Variants in PCYT2 observed in about 807,000 individuals in gnomAD.
The protein encoded by PCYT2 is ethanolamine-phosphate cytidylyltransferase.
Under a neutral mutation model 50.0 loss-of-function variants are expected in PCYT2, and 33 were observed. The ratio of observed to expected loss-of-function variants is 0.66; its 90% confidence interval spans 0.50 to 0.88. PCYT2 has a LOEUF of 0.88. PCYT2 is among the 40% of genes least tolerant of loss of function. The pLI is 0.00. For synonymous variants in PCYT2, 240 were observed against 203.7 expected (o/e 1.18, Z -1.52); for missense variants, 430 against 519.7 (o/e 0.83, Z 1.68).
At position 81,904,573 on chromosome 17, in the gene PCYT2, G is replaced by A. The variant is rs938937771; in HGVS notation, c.*260C>T. 2.9e-5 allele frequency: 14 copies of A among 480,964 alleles called. No homozygotes were observed. Among genetic ancestry groups the A allele is most frequent in the African/African-American group, 5.8e-5 (3 of 51,626 alleles). The allele number at this position is 480,964 out of a possible 1,614,324, so 29.8% of individuals were successfully genotyped here. Reference sequence around the variant, plus strand: ...GTGGGGGCGCACGCAGGAGCGGTGCGTTTCAGGCTGCAGGTGCCGTCTGCC... The same window carrying A: ...GTGGGGGCGCACGCAGGAGCGGTGCATTTCAGGCTGCAGGTGCCGTCTGCC... On this transcript the variant is annotated 3_prime_UTR_variant, in exon 13 of 13. Coordinates refer to ENST00000538936, the MANE Select transcript of PCYT2 (RefSeq NM_002861.5).
Position 81,906,455 on chromosome 17 carries a change from G to T in PCYT2, c.759+9C>A. ...TGCCCAGGGGCCCAGGGAGCAAGAA[G>T]GCAGTGACCTGGTCAAAGTGTAAGC... On this transcript the variant is annotated intron_variant, in intron 8 of 12. Transcript: ENST00000538936. The T allele has an allele frequency of 6.2e-7, 1 of 1,612,350 alleles. No individual in the cohort carries two copies. Among genetic ancestry groups the T allele is most frequent in the East Asian group, 2.2e-5 (1 of 44,872 alleles).
chr17:81,906,925 G>C, intron 6 of PCYT2, 27 bp from the exon 7 acceptor site: 1 of 1,607,068 alleles, frequency 6.2e-7, no homozygotes, highest in Non-Finnish European at 8.5e-7. Context: ...GGAGCAGGTT[G>C]GCGGGGGAGG....
At chr17:81,906,312 T>C (rs547273427) in intron 8 of PCYT2, 135 bp from the exon 9 acceptor site, 8 of 1,100,026 alleles carry the variant, frequency 7.3e-6, no homozygotes, top group East Asian at 5.1e-5. Flanking sequence ...AGGACAGCCC[T>C]GGACCCCAGA....
rs201141204 is a variant in PCYT2, at chr17:81,906,721, G to T, written c.676+39C>A. The T allele has an allele frequency of 2.3e-3, 3,692 of 1,607,818 alleles. 15 individuals carry two copies. The highest frequency in any genetic ancestry group is 2.3e-3 in the Admixed American group (140 of 59,784). On this transcript the variant is annotated intron_variant, in intron 7 of 12. Transcript: ENST00000538936. Reference sequence around the variant, plus strand: ...GTGAGGCCCCCGGGTCCCACCCCATGTGGCACATGTAGGGGAGCAGCAGAG... The same window carrying T: ...GTGAGGCCCCCGGGTCCCACCCCATTTGGCACATGTAGGGGAGCAGCAGAG...
chr17:81,907,499 C>T (rs982043345), intron 6 of PCYT2, 55 bp downstream of exon 6: 12 of 1,553,516 alleles, frequency 7.7e-6, no homozygotes, highest in Non-Finnish European at 7.9e-6. Context: ...GGACAGGTGG[C>T]CGGGGGAGCC....
In PCYT2 at chr17:81,909,779, A is replaced by G. The variant is rs574205115; in HGVS notation, c.90-177T>C. 3.3e-5 allele frequency among the ~76,000 whole-genome samples: 5 copies of G among 152,300 alleles called. No homozygotes were observed. In the South Asian group the frequency reaches 1.0e-3, roughly 32 times the overall value. On this transcript the variant is annotated intron_variant, in intron 1 of 12. Transcript: ENST00000538936. ...ATGTAGGTGCTCAGCTCTCCACCCC[A>G]CTGGCTCCTGGGCCTGACGGTGGGA...
In PCYT2 at chr17:81,909,549, A is replaced by G. The variant is rs150714189; in HGVS notation, c.143T>C (p.Met48Thr). The part of the protein sequence containing the change: ...HSNQLRQARA[M>T]GDYLIVGVHT... Reference sequence around the variant, plus strand: ...CACGCCTACGATGAGGTAGTCACCCATGGCCCGTGCCTGGCGCAGCTGGTT... The same window carrying G: ...CACGCCTACGATGAGGTAGTCACCCGTGGCCCGTGCCTGGCGCAGCTGGTT... The change falls in exon 2 of 13, where the codon ATG becomes ACG. Residue 48 changes from methionine to threonine, a missense_variant. Physicochemically the swap from Met to Thr is moderately conservative, Grantham distance 81. Transcript: ENST00000538936. 9,898 of 1,613,716 alleles carry G rather than the reference A, an allele frequency of 6.1e-3. 41 individuals carry two copies. Among genetic ancestry groups the G allele is most frequent in the Non-Finnish European group, 7.4e-3 (8,786 of 1,179,828 alleles).
In PCYT2 at chr17:81,904,864, T is replaced by C; in HGVS notation, c.1139A>G (p.Gln380Arg). ...FLEAARQQAA[Q>R]PLGERDGDF is the part of the protein sequence containing the mutation. ...GTCACCATCGCGCTCCCCCAGGGGC[T>C]GTGCCGCCTGCTGCCTGGCAGCCTC... is the stretch of plus-strand genomic sequence containing the variant. The change falls in exon 13 of 13, where the codon CAG (glutamine) becomes CGG (arginine). Residue 380 changes from glutamine (Q) to arginine (R), a missense_variant. Gln to Arg is a conservative substitution (Grantham distance 43, BLOSUM62 1). This residue lies in a region of PCYT2 where 248 missense variants were observed against 300.2 expected (regional missense o/e 0.83). Transcript: ENST00000538936. 6.2e-7 allele frequency: 1 copy of C among 1,612,590 alleles called. No homozygotes were observed. The highest frequency in any genetic ancestry group is 8.5e-7 in the Non-Finnish European group (1 of 1,179,708).
chr17:81,907,060 G>A (rs1361140310), intron 6 of PCYT2, 162 bp from the exon 7 acceptor site: 1 of 1,046,328 alleles, frequency 9.6e-7, no homozygotes, highest in East Asian at 2.6e-5. Context: ...TGGGACTGTG[G>A]CGCCACCCCA....
In PCYT2 at chr17:81,903,524, G is replaced by A. The variant is rs1042290051; in HGVS notation, c.*1309C>T. On this transcript the variant is annotated 3_prime_UTR_variant, in exon 13 of 13. Coordinates refer to ENST00000538936, the MANE Select transcript of PCYT2 (RefSeq NM_002861.5). ...CTGTCCAGCACCAATCTGTCTATGG[G>A]GAACTGGCTGGTCCCTCTGCTCAGG... 6.6e-6 allele frequency: 1 copy of A among 152,358 alleles called. No individual in the cohort carries two copies. Among genetic ancestry groups the A allele is most frequent in the African/African-American group, 2.4e-5 (1 of 41,450 alleles). 9.4% of individuals were successfully genotyped at this position (152,358 alleles called of 1,614,324 possible). A position where few individuals can be genotyped will look rare whatever the true frequency, so the allele number is the denominator to read the frequency against.
chr17:81,906,163 G>C lies in PCYT2; in HGVS notation c.774C>G (p.Tyr258Ter), dbSNP rs1324288309. Residue 258 changes from tyrosine (Y) to a stop codon, truncating the protein, a stop_gained, in exon 9 of 13, where the codon TAC becomes TAG. Coordinates refer to ENST00000538936, the MANE Select transcript of PCYT2 (RefSeq NM_002861.5). LOFTEE classifies it high-confidence loss of function. Reference sequence around the variant, plus strand: ...TCATGATGGGGTAGTTCTTCCCCTTGTAGTGATTGACCTCCTGCGGCCAGA... The same window carrying C: ...TCATGATGGGGTAGTTCTTCCCCTTCTAGTGATTGACCTCCTGCGGCCAGA... Reference protein sequence around the residue: ...GLHFDQEVNHYKGKNYPIMNL... With the variant: ...GLHFDQEVNH The C allele has an allele frequency of 1.2e-6, 2 of 1,612,278 alleles. No homozygotes were observed. The highest frequency in any genetic ancestry group is 8.5e-7 in the Non-Finnish European group (1 of 1,179,100).
At position 81,908,733 on chromosome 17, in the gene PCYT2, C is replaced by A. The variant is rs555756420; in HGVS notation, c.341-99G>T. On this transcript the variant is annotated intron_variant, in intron 3 of 12. Coordinates refer to ENST00000538936, the MANE Select transcript of PCYT2 (RefSeq NM_002861.5). ...GGCCCCTGGCCTGCCCTAGTGTCCG[C>A]GTGCCCATTTCTAGGTGGGGGCCCG... The A allele has an allele frequency of 3.8e-5, 50 of 1,321,334 alleles. No individual in the cohort carries two copies. The African/African-American group carries it at 6.9e-4, about 18-fold the overall frequency. 81.9% of individuals were successfully genotyped at this position (1,321,334 alleles called of 1,614,324 possible).
intron 1 of PCYT2, among the ~76,000 whole-genome samples, chr17:81,909,979 G>A (rs575868753): frequency 4.6e-4 from 70 of 152,338 alleles, no homozygotes; most frequent in African/African-American, 1.5e-3. Flanking sequence ...ATAAGCCGAT[G>A]TTAACTCTTG....
chr17:81,902,272 G>C lies in PCYT2; in HGVS notation c.*2561C>G. On this transcript the variant is annotated 3_prime_UTR_variant, in exon 13 of 13. Transcript: ENST00000538936. The stretch of plus-strand genomic sequence containing the variant: ...CGCCGCCGCCCACCAGTCAGCCGGC[G>C]TCCCCATGGCCCGGTCCGCGACACT... The C allele has an allele frequency of 8.0e-7, 1 of 1,251,732 alleles. No homozygotes were observed. 77.5% of individuals were successfully genotyped at this position (1,251,732 alleles called of 1,614,324 possible).
Position 81,902,329 on chromosome 17 carries a change from C to T in PCYT2, c.*2504G>A. On this transcript the variant is annotated 3_prime_UTR_variant, in exon 13 of 13. Coordinates refer to ENST00000538936, the MANE Select transcript of PCYT2 (RefSeq NM_002861.5). ...CGCCGCCCTGGCGCTGTGCCTGCTG[C>T]TGGCGCCGCCTGGCCTCGCGTGGTA... 1 of 1,339,918 alleles carries T rather than the reference C, an allele frequency of 7.5e-7. No individual in the cohort carries two copies. Among genetic ancestry groups the T allele is most frequent in the South Asian group, 2.0e-5 (1 of 49,588 alleles). The allele number at this position is 1,339,918 out of a possible 1,614,324, so 83.0% of individuals were successfully genotyped here.
Position 81,907,413 on chromosome 17 carries a change from G to A in PCYT2, c.537+141C>T, listed in dbSNP as rs577486641. On this transcript the variant is annotated intron_variant, in intron 6 of 12. Coordinates refer to ENST00000538936, the MANE Select transcript of PCYT2 (RefSeq NM_002861.5). ...ATCCACCAGTGAGCCAAACCTGGCA[G>A]TCAGTGCCTGGTCAGTGCCAGGGAC... The A allele has an allele frequency of 1.5e-4, 179 of 1,185,446 alleles. 3 individuals carry two copies. Among genetic ancestry groups the A allele is most frequent in the East Asian group, 7.7e-5 (3 of 39,214 alleles). 73.4% of individuals were successfully genotyped at this position (1,185,446 alleles called of 1,614,324 possible).
Position 81,902,549 on chromosome 17 carries a change from T to C in PCYT2, c.*2284A>G. ...CTCGTGAGTCCGGCGTGCCGGGGAC[T>C]GATGGGGGGCGGCGGCAGGACGTGG... On this transcript the variant is annotated 3_prime_UTR_variant, in exon 13 of 13. Transcript: ENST00000538936. 1 of 1,487,584 alleles carries C rather than the reference T, an allele frequency of 6.7e-7. No individual in the cohort carries two copies. The highest frequency in any genetic ancestry group is 2.8e-5 in the East Asian group (1 of 36,016). 92.1% of individuals were successfully genotyped at this position (1,487,584 alleles called of 1,614,324 possible). A position where few individuals can be genotyped will look rare whatever the true frequency, so the allele number is the denominator to read the frequency against.
intron 8 of PCYT2, 26 bp downstream of exon 8, chr17:81,906,438 G>A (rs376428984): frequency 1.2e-6 from 2 of 1,604,994 alleles, no homozygotes; most frequent in African/African-American, 1.3e-5. Flanking sequence ...GCTGCCCAGG[G>A]GCCCAGGGAG....
chr17:81,904,805 G>C lies in PCYT2; in HGVS notation c.*28C>G, dbSNP rs745949719. The stretch of plus-strand genomic sequence containing the variant: ...GCAGAAGGCGCAGAAGCAGAGCAGG[G>C]GGAGGGCCGGCCAGGGCCTCTGCCA... On this transcript the variant is annotated 3_prime_UTR_variant, in exon 13 of 13. Transcript: ENST00000538936. 2 of 1,473,814 alleles carry C rather than the reference G, an allele frequency of 1.4e-6. No individual in the cohort carries two copies. The highest frequency in any genetic ancestry group is 1.9e-6 in the Non-Finnish European group (2 of 1,063,254). The allele number at this position is 1,473,814 out of a possible 1,614,324, so 91.3% of individuals were successfully genotyped here. A position where few individuals can be genotyped will look rare whatever the true frequency, so the allele number is the denominator to read the frequency against.
Sources: allele counts gnomAD v4.1 joint callset (sites outside exome capture counted in the v4.1 genomes callset), GRCh38; gene constraint gnomAD v4.1.1; regional missense constraint gnomAD v4.1.1; transcripts MANE v1.5; gene names NCBI Gene and HGNC (gene_info 2026-07-23, HGNC 2026-07-21).